Variants in EEFSEC observed in about 807,000 individuals in gnomAD.
The protein encoded by EEFSEC is eukaryotic elongation factor, selenocysteine-tRNA specific.
Under a neutral mutation model 42.1 loss-of-function variants are expected in EEFSEC, and 43 were observed. That is an observed-to-expected ratio of 1.02 (90% CI 0.80 to 1.32). EEFSEC has a LOEUF of 1.32. Ranked by LOEUF, EEFSEC falls within the 40% of genes most tolerant of loss-of-function variation. The pLI, the probability that EEFSEC is intolerant of heterozygous loss-of-function variation, is 0.00. For missense variants in EEFSEC, 745 were observed against 803.6 expected, an observed-to-expected ratio of 0.93 and a Z score of 0.88; for synonymous variants, 354 against 339.1, an observed-to-expected ratio of 1.04 and a Z score of -0.48.
rs115631255 is a variant in EEFSEC, at chr3:128,230,403, C to T, written c.317-16433C>T. Among the ~76,000 whole-genome samples, 1,109 of 152,328 alleles carry T rather than the reference C, an allele frequency of 7.3e-3. 21 individuals are homozygous for T. The highest frequency in any genetic ancestry group is 0.025 in the African/African-American group (1,054 of 41,560). On this transcript the variant is annotated intron_variant, in intron 1 of 6. Coordinates refer to ENST00000254730, the MANE Select transcript of EEFSEC (RefSeq NM_021937.5). ...CTCTTGGCCTCAAGCCATCCTCCCTCCTCAGCCTCCCAAATTGCTGAGATT... is the reference window on the plus strand; with the variant it reads ...CTCTTGGCCTCAAGCCATCCTCCCTTCTCAGCCTCCCAAATTGCTGAGATT...
At chr3:128,224,626 C>G (rs145110245) in intron 1 of EEFSEC, among the ~76,000 whole-genome samples, 5 of 152,136 alleles carry the variant, frequency 3.3e-5, no homozygotes, top group Non-Finnish European at 5.9e-5. Flanking sequence ...GCTTTTCTTG[C>G]TGAAGTATTT....
chr3:128,166,725 A>T (rs1037282840), intron 1 of EEFSEC, among the ~76,000 whole-genome samples: 1 of 151,648 alleles, frequency 6.6e-6, no homozygotes, highest in Non-Finnish European at 1.5e-5. Context: ...CGGCCCTTGA[A>T]CTGCTCCTCA....
At chr3:128,154,380 A>G (rs767660015) in intron 1 of EEFSEC, among the ~76,000 whole-genome samples, 1 of 152,090 alleles carries the variant, frequency 6.6e-6, no homozygotes, top group African/African-American at 2.4e-5. Flanking sequence ...TCTGTACACA[A>G]AGCTACATCA....
chr3:128,373,284 G>A (rs928239254), intron 6 of EEFSEC, among the ~76,000 whole-genome samples: 3 of 152,214 alleles, frequency 2.0e-5, no homozygotes, highest in Admixed American at 6.5e-5. Context: ...AGGCAGGGAC[G>A]AGTGAGAGAA....
At chr3:128,368,325 C>G (rs561340536) in intron 6 of EEFSEC, among the ~76,000 whole-genome samples, 2 of 151,810 alleles carry the variant, frequency 1.3e-5, no homozygotes, top group Non-Finnish European at 2.9e-5. Flanking sequence ...CCCAGCTACT[C>G]GGGAGGCTGA....
chr3:128,197,832 T>C (rs113044271), intron 1 of EEFSEC, among the ~76,000 whole-genome samples: 6 of 152,268 alleles, frequency 3.9e-5, no homozygotes, highest in African/African-American at 1.4e-4. Context: ...TTGGTAAATC[T>C]TATTTCTGAT....
At chr3:128,242,085 G>A (rs2066077340) in intron 1 of EEFSEC, among the ~76,000 whole-genome samples, 1 of 152,174 alleles carries the variant, frequency 6.6e-6, no homozygotes, top group African/African-American at 2.4e-5. Context: ...TGGGAGCTGA[G>A]GTGGGAGGAT....
intron 4 of EEFSEC, among the ~76,000 whole-genome samples, chr3:128,310,268 G>A (rs550722988): frequency 6.6e-6 from 1 of 152,360 alleles, no homozygotes; most frequent in East Asian, 1.9e-4. Context: ...TAGGGAGAAA[G>A]TCACAGGATT....
chr3:128,208,461 T>G (rs1376559052), intron 1 of EEFSEC, among the ~76,000 whole-genome samples: 1 of 152,206 alleles, frequency 6.6e-6, no homozygotes, highest in Non-Finnish European at 1.5e-5. Flanking sequence ...AGACAAACTC[T>G]ATCTAGTGAG....
intron 4 of EEFSEC, among the ~76,000 whole-genome samples, chr3:128,280,667 C>G (rs1211009337): frequency 6.6e-6 from 1 of 152,206 alleles, no homozygotes; most frequent in Non-Finnish European, 1.5e-5. Context: ...TGGCAGTGCC[C>G]TCCTTGCCTC....
intron 1 of EEFSEC, among the ~76,000 whole-genome samples, chr3:128,171,403 G>C (rs1029136161): frequency 3.3e-5 from 5 of 152,066 alleles, no homozygotes; most frequent in Admixed American, 3.3e-4. Flanking sequence ...TACAATGGCA[G>C]AGGTTAAAAA....
At chr3:128,183,659 G>A (rs2065434665) in intron 1 of EEFSEC, among the ~76,000 whole-genome samples, 1 of 152,196 alleles carries the variant, frequency 6.6e-6, no homozygotes, top group Admixed American at 6.5e-5. Context: ...ATGGTATTGT[G>A]AGAACCGATG....
At chr3:128,296,092 G>A (rs980653699) in intron 4 of EEFSEC, among the ~76,000 whole-genome samples, 24 of 152,264 alleles carry the variant, frequency 1.6e-4, no homozygotes, top group African/African-American at 5.8e-4. Flanking sequence ...TCCAGGCCCT[G>A]GTACTGGGAG....
At chr3:128,195,762 G>A (rs1431572061) in intron 1 of EEFSEC, among the ~76,000 whole-genome samples, 1 of 152,192 alleles carries the variant, frequency 6.6e-6, no homozygotes. Flanking sequence ...GGTCAAGATG[G>A]TAGAGACAAG....
At chr3:128,322,204 A>T (rs1486047711) in intron 4 of EEFSEC, among the ~76,000 whole-genome samples, 1 of 152,182 alleles carries the variant, frequency 6.6e-6, no homozygotes, top group African/African-American at 2.4e-5. Flanking sequence ...TGTTGCCATG[A>T]CGGCCCGTCC....
intron 6 of EEFSEC, among the ~76,000 whole-genome samples, chr3:128,383,494 A>G (rs1357414330): frequency 6.6e-6 from 1 of 152,232 alleles, no homozygotes; most frequent in Non-Finnish European, 1.5e-5. Context: ...TGAGGAGACT[A>G]AGGCGCAGAG....
chr3:128,378,387 A>G (rs929978551), intron 6 of EEFSEC, among the ~76,000 whole-genome samples: 2 of 152,098 alleles, frequency 1.3e-5, no homozygotes, highest in African/African-American at 4.8e-5. Context: ...TCAGAGCCTT[A>G]AAAGAAGAGT....
intron 6 of EEFSEC, among the ~76,000 whole-genome samples, chr3:128,383,252 G>A (rs570932149): frequency 2.6e-5 from 4 of 152,346 alleles, no homozygotes; most frequent in South Asian, 4.1e-4. Flanking sequence ...CCCCGTTACA[G>A]AAATAACTCA....
intron 6 of EEFSEC, among the ~76,000 whole-genome samples, chr3:128,391,760 GC>G (rs1328503368): frequency 1.3e-5 from 2 of 152,250 alleles, no homozygotes; most frequent in African/African-American, 4.8e-5. Context: ...CAGCATAGCG[GC>G]CCCACCTGGC....
Sources: allele counts gnomAD v4.1 joint callset (sites outside exome capture counted in the v4.1 genomes callset), GRCh38; gene constraint gnomAD v4.1.1; transcripts MANE v1.5; gene names NCBI Gene and HGNC (gene_info 2026-07-23, HGNC 2026-07-21).